Variants in NUP54 observed in about 807,000 individuals in gnomAD.
NUP54 encodes the protein nucleoporin p54.
In NUP54, 27 loss-of-function variants were observed where a neutral mutation model predicts 66.4. That is an observed-to-expected ratio of 0.41 (90% CI 0.30 to 0.56). The LOEUF is 0.56. NUP54 is among the 20% of genes least tolerant of loss of function. The pLI is 0.34. For missense variants in NUP54, 486 were observed against 596.3 expected (o/e 0.82, Z 1.93); for synonymous variants, 206 against 210.7 (o/e 0.98, Z 0.19).
chr4:76,142,263 T>C (rs185266075), intron 3 of NUP54, among the ~76,000 whole-genome samples: 3 of 152,350 alleles, frequency 2.0e-5, no homozygotes, highest in Admixed American at 6.5e-5. Context: ...TTTTGCAGGA[T>C]TGTAGAAAAG....
At chr4:76,132,095 A>G (rs1309714668) in intron 6 of NUP54, among the ~76,000 whole-genome samples, 1 of 152,176 alleles carries the variant, frequency 6.6e-6, no homozygotes, top group African/African-American at 2.4e-5. Context: ...CCATAAATTG[A>G]CAGTAGTTAC....
intron 3 of NUP54, among the ~76,000 whole-genome samples, chr4:76,139,312 A>G (rs1462321391): frequency 6.6e-6 from 1 of 152,228 alleles, no homozygotes; most frequent in Admixed American, 6.5e-5. Context: ...AAAGTGAGAT[A>G]GCCTCTCAAC....
At chr4:76,123,489 A>G (rs1375572038) in intron 9 of NUP54, among the ~76,000 whole-genome samples, 4 of 152,120 alleles carry the variant, frequency 2.6e-5, no homozygotes, top group Non-Finnish European at 5.9e-5. Context: ...CTGTTACCCT[A>G]AAGTACATGC....
At chr4:76,145,304 T>C (rs1398818276) in intron 1 of NUP54, among the ~76,000 whole-genome samples, 7 of 125,906 alleles carry the variant, frequency 5.6e-5, no homozygotes, top group Non-Finnish European at 9.4e-5. Context: ...GGCGACAGGG[T>C]GAGACTCCGT....
chr4:76,132,356 A>C (rs1048436434), intron 6 of NUP54, 167 bp downstream of exon 6: 1 of 452,710 alleles, frequency 2.2e-6, no homozygotes, highest in Non-Finnish European at 3.7e-6. Flanking sequence ...TATAATAAAA[A>C]ACTAAATGAA....
intron 9 of NUP54, among the ~76,000 whole-genome samples, chr4:76,121,669 T>C (rs1730244449): frequency 6.6e-6 from 1 of 152,262 alleles, no homozygotes; most frequent in Non-Finnish European, 1.5e-5. Context: ...TTTTTAATTT[T>C]GTAAAGTGGG....
chr4:76,117,623 G>A (rs369999824), intron 11 of NUP54, 41 bp downstream of exon 11: 3 of 1,217,200 alleles, frequency 2.5e-6, no homozygotes, highest in Non-Finnish European at 3.6e-6. Flanking sequence ...GTGAAGTGGT[G>A]AGCTCACACT....
In NUP54 at chr4:76,136,370, T is replaced by G. The variant is rs772392852; in HGVS notation, c.338A>C (p.Gln113Pro). The stretch of plus-strand genomic sequence containing the variant: ...CGCAGTATTTATCAGCTGGTTGGAC[T>G]GGGTAGGAGCTTGTGTAGGCTGACT... ...LFSQPTQAPT[Q>P]SNQLINTASA... is the part of the protein sequence containing the mutation. The change falls in exon 4 of 12, where the codon CAG becomes CCG. Residue 113 changes from glutamine to proline, a missense_variant. Gln to Pro is a moderately conservative substitution (Grantham distance 76). Coordinates refer to ENST00000264883, the MANE Select transcript of NUP54 (RefSeq NM_017426.4). 6.2e-7 allele frequency: 1 copy of G among 1,614,138 alleles called. No homozygotes were observed. The highest frequency in any genetic ancestry group is 1.1e-5 in the South Asian group (1 of 91,086).
intron 3 of NUP54, among the ~76,000 whole-genome samples, chr4:76,140,335 G>T (rs1731215740): frequency 6.7e-6 from 1 of 149,840 alleles, no homozygotes; most frequent in Non-Finnish European, 1.5e-5. Flanking sequence ...ACCCAGGCTG[G>T]AGTCCAGTGG....
chr4:76,118,232 C>G (rs753281398), intron 9 of NUP54, 38 bp from the exon 10 acceptor site: 26 of 1,592,814 alleles, frequency 1.6e-5, no homozygotes, highest in Non-Finnish European at 2.0e-5. Flanking sequence ...ACAGAATCAT[C>G]TCTTTTTAGT....
intron 1 of NUP54, 182 bp downstream of exon 1, chr4:76,148,126 C>A: frequency 2.3e-6 from 1 of 444,356 alleles, no homozygotes. Flanking sequence ...CCCCGAGTAC[C>A]CCCGTGGCCT....
At chr4:76,122,015 G>A (rs1389015725) in intron 9 of NUP54, among the ~76,000 whole-genome samples, 3 of 152,174 alleles carry the variant, frequency 2.0e-5, no homozygotes, top group Non-Finnish European at 4.4e-5. Context: ...AATATTGGGT[G>A]TCCGTTGTCT....
At chr4:76,148,010 A>C in intron 1 of NUP54, 3 of 373,148 alleles carry the variant, frequency 8.0e-6, no homozygotes, top group Admixed American at 4.2e-5. Context: ...GGGAGAGGGA[A>C]GCAACCTCCA....
Position 76,144,268 on chromosome 4 carries a change from T to C in NUP54, c.176A>G (p.Lys59Arg). The change falls in exon 3 of 12, where the codon AAA becomes AGA. Residue 59 changes from lysine to arginine, a missense_variant. Around this residue, in one of 4 missense-constraint regions of NUP54, gnomAD observed 145 missense variants for 137.1 expected, o/e 1.06. Coordinates refer to ENST00000264883, the MANE Select transcript of NUP54 (RefSeq NM_017426.4). ...AAAACCAGTACCAAATCCAAAACCT[T>C]TGTTCTGAGTACCACCAAAGAGTCC... ...TTGLFGGTQNKGFGFGTGFGT... is the reference protein window; with the variant it reads ...TTGLFGGTQNRGFGFGTGFGT... 1 of 1,613,992 alleles carries C rather than the reference T, an allele frequency of 6.2e-7. No individual in the cohort carries two copies. Among genetic ancestry groups the C allele is most frequent in the East Asian group, 2.2e-5 (1 of 44,860 alleles).
chr4:76,129,259 G>A (rs969983705), intron 8 of NUP54, among the ~76,000 whole-genome samples: 9 of 152,086 alleles, frequency 5.9e-5, no homozygotes, highest in African/African-American at 2.2e-4. Context: ...AAAACTTACC[G>A]AGGATTAAGA....
intron 1 of NUP54, chr4:76,145,592 T>G: frequency 1.6e-6 from 2 of 1,271,164 alleles, no homozygotes; most frequent in African/African-American, 3.1e-5. Flanking sequence ...AAGGAAGAGA[T>G]TTGACAGATA....
chr4:76,135,424 C>T (rs919242751), intron 4 of NUP54, among the ~76,000 whole-genome samples: 10 of 152,134 alleles, frequency 6.6e-5, no homozygotes, highest in African/African-American at 1.9e-4. Context: ...TACCTCTTAG[C>T]GACTAAATAC....
At chr4:76,125,583 C>T (rs562786690) in intron 8 of NUP54, among the ~76,000 whole-genome samples, 108 of 125,328 alleles carry the variant, frequency 8.6e-4, no homozygotes, top group Non-Finnish European at 1.5e-3. Context: ...TGCAGTGAGC[C>T]GTGATCATGC....
At chr4:76,118,751 T>A (rs903503810) in intron 9 of NUP54, among the ~76,000 whole-genome samples, 1 of 151,592 alleles carries the variant, frequency 6.6e-6, no homozygotes, top group Non-Finnish European at 1.5e-5. Context: ...ACACCTGTAA[T>A]CCCAGCACTT....
Sources: allele counts gnomAD v4.1 joint callset (sites outside exome capture counted in the v4.1 genomes callset), GRCh38; gene constraint gnomAD v4.1.1; regional missense constraint gnomAD v4.1.1; transcripts MANE v1.5; gene names NCBI Gene and HGNC (gene_info 2026-07-23, HGNC 2026-07-21).